CNGB3: variants seen among roughly 807,000 people sequenced by gnomAD.
The protein encoded by CNGB3 is cyclic nucleotide-gated channel beta-3.
CNGB3 carries 86 observed loss-of-function variants against 92.8 expected under a neutral mutation model. The observed-to-expected ratio is 0.93, with a 90% confidence interval of 0.78 to 1.11. The LOEUF (loss-of-function observed/expected upper bound fraction) is 1.11, where lower values mean the gene tolerates loss of function less well. CNGB3 is among the 50% of genes least tolerant of loss of function. CNGB3 has a pLI of 0.00. For missense variants in CNGB3, 1,026 were observed against 956.8 expected, an observed-to-expected ratio of 1.07 and a Z score of -0.95; for synonymous variants, 333 against 332.7, an observed-to-expected ratio of 1.00 and a Z score of -0.01.
intron 7 of CNGB3, among the ~76,000 whole-genome samples, chr8:86,651,546 C>T (rs1439974072): frequency 3.3e-5 from 5 of 151,808 alleles, no homozygotes; most frequent in African/African-American, 4.8e-5. Flanking sequence ...AAAGCAGATA[C>T]ACTGTTGACA....
At chr8:86,604,701 A>G (rs1281894102) in intron 14 of CNGB3, among the ~76,000 whole-genome samples, 3 of 152,204 alleles carry the variant, frequency 2.0e-5, no homozygotes, top group Non-Finnish European at 4.4e-5. Flanking sequence ...TTAGTATTCC[A>G]TACTGAGATA....
intron 2 of CNGB3, among the ~76,000 whole-genome samples, chr8:86,736,733 T>C (rs1333803105): frequency 6.6e-6 from 1 of 152,058 alleles, no homozygotes; most frequent in African/African-American, 2.4e-5. Context: ...GATGGAATAA[T>C]GGTCTTCAAT....
chr8:86,706,427 G>T (rs1054174797), intron 3 of CNGB3, among the ~76,000 whole-genome samples: 9 of 152,358 alleles, frequency 5.9e-5, no homozygotes, highest in Middle Eastern at 3.4e-3. Flanking sequence ...AAGCATGTGA[G>T]TAAATGCATC....
intron 15 of CNGB3, among the ~76,000 whole-genome samples, chr8:86,584,710 G>C (rs991543167): frequency 6.6e-6 from 1 of 152,080 alleles, no homozygotes; most frequent in Non-Finnish European, 1.5e-5. Flanking sequence ...AAAGAGTTGA[G>C]GTTGCTATTG....
intron 3 of CNGB3, among the ~76,000 whole-genome samples, chr8:86,681,169 G>A (rs1478138993): frequency 5.3e-5 from 8 of 152,052 alleles, no homozygotes; most frequent in Non-Finnish European, 1.2e-4. Flanking sequence ...CAAAGCTGAT[G>A]ATATTTTTAA....
chr8:86,737,195 G>A (rs990390070), intron 2 of CNGB3, among the ~76,000 whole-genome samples: 1 of 152,060 alleles, frequency 6.6e-6, no homozygotes, highest in Non-Finnish European at 1.5e-5. Context: ...TTCAAAATAA[G>A]TAAATAAAGT....
chr8:86,610,761 G>T (rs1240425746), intron 14 of CNGB3, among the ~76,000 whole-genome samples: 1 of 151,996 alleles, frequency 6.6e-6, no homozygotes, highest in African/African-American at 2.4e-5. Flanking sequence ...AAATCCCAGG[G>T]TCATCATTCC....
chr8:86,612,270 ACT>A (rs976833103), intron 13 of CNGB3, among the ~76,000 whole-genome samples: 4 of 152,176 alleles, frequency 2.6e-5, no homozygotes, highest in Admixed American at 6.5e-5. Flanking sequence ...TGTAAGAAAC[ACT>A]GTTTGGCTAT....
intron 3 of CNGB3, among the ~76,000 whole-genome samples, chr8:86,724,946 G>C (rs1222142766): frequency 1.3e-5 from 2 of 152,130 alleles, no homozygotes; most frequent in Non-Finnish European, 2.9e-5. Context: ...AGACAGACCA[G>C]GCAGGGCCTG....
At chr8:86,689,538 C>A (rs1163219554) in intron 3 of CNGB3, among the ~76,000 whole-genome samples, 1 of 149,666 alleles carries the variant, frequency 6.7e-6, no homozygotes, top group African/African-American at 2.4e-5. Context: ...TTTATTATTT[C>A]TTTATTTTTT....
At position 86,743,498 on chromosome 8, in the gene CNGB3, C is replaced by T. The variant is rs770096659; in HGVS notation, c.129+1G>A. 2 of 1,613,866 alleles carry T rather than the reference C, an allele frequency of 1.2e-6. No individual in the cohort carries two copies. The highest frequency in any genetic ancestry group is 4.5e-5 in the East Asian group (2 of 44,844). ...CTTGCATAGGAATGTAGAGGACATA[C>T]CTGTGCTGTGGTTTGCTGAGACTGA... is the stretch of plus-strand genomic sequence containing the variant. On this transcript the variant is annotated splice_donor_variant, in intron 1 of 17. Coordinates refer to ENST00000320005, the MANE Select transcript of CNGB3 (RefSeq NM_019098.5). LOFTEE classifies it high-confidence loss of function.
intron 15 of CNGB3, among the ~76,000 whole-genome samples, chr8:86,596,199 A>G (rs1240153411): frequency 6.6e-6 from 1 of 152,250 alleles, no homozygotes; most frequent in Non-Finnish European, 1.5e-5. Context: ...GCAAATTAAA[A>G]TAACCTATTA....
At chr8:86,612,226 T>C (rs1283675840) in intron 13 of CNGB3, among the ~76,000 whole-genome samples, 1 of 152,168 alleles carries the variant, frequency 6.6e-6, no homozygotes, top group Non-Finnish European at 1.5e-5. Context: ...GCAATATCTG[T>C]TGAGTGAATG....
chr8:86,678,292 G>A (rs1159678962), intron 3 of CNGB3, among the ~76,000 whole-genome samples: 1 of 152,154 alleles, frequency 6.6e-6, no homozygotes, highest in Non-Finnish European at 1.5e-5. Context: ...GCCAAAGTAT[G>A]TGGCAGTCTA....
chr8:86,635,863 T>TATATATATATAC (rs1563735421), intron 10 of CNGB3, among the ~76,000 whole-genome samples: 1 of 54,944 alleles, frequency 1.8e-5, no homozygotes, highest in Non-Finnish European at 3.3e-5. Flanking sequence ...TATATATATA[T>TATATATATATAC]ACACATACAC....
At chr8:86,722,510 T>C (rs988006940) in intron 3 of CNGB3, among the ~76,000 whole-genome samples, 3 of 152,198 alleles carry the variant, frequency 2.0e-5, no homozygotes, top group African/African-American at 7.2e-5. Context: ...TGATGATTAA[T>C]GTTATGTGTC....
Position 86,643,827 on chromosome 8 carries a change from C to CATTA in CNGB3, c.1098_1101dup (p.Ala368Ter), listed in dbSNP as rs1057518098. 6.2e-7 allele frequency: 1 copy of CATTA among 1,606,686 alleles called. No homozygotes were observed. Among genetic ancestry groups the CATTA allele is most frequent in the Non-Finnish European group, 8.5e-7 (1 of 1,175,414 alleles). On this transcript the variant is annotated stop_gained and frameshift_variant, in exon 10 of 18. Coordinates refer to ENST00000320005, the MANE Select transcript of CNGB3 (RefSeq NM_019098.5). LOFTEE classifies it high-confidence loss of function. Reference sequence around the variant, plus strand: ...TTTGAAGCCCAGTAATAAACACAGGCATTAATGTGCAGAATAAACAGCAAG... The same window carrying CATTA: ...TTTGAAGCCCAGTAATAAACACAGGCATTAATTAATGTGCAGAATAAACAGCAAG...
At chr8:86,660,730 A>C (rs919248213) in intron 6 of CNGB3, 5 of 528,338 alleles carry the variant, frequency 9.5e-6, no homozygotes, top group Non-Finnish European at 3.9e-6. Flanking sequence ...CATCCAATAC[A>C]TATCCTCCTG....
intron 15 of CNGB3, among the ~76,000 whole-genome samples, chr8:86,585,905 C>T (rs562109031): frequency 1.2e-4 from 18 of 152,290 alleles, no homozygotes; most frequent in Non-Finnish European, 2.4e-4. Context: ...CAATGCATTT[C>T]AGATACCCAG....
Sources: gnomAD v4.1 joint callset for allele counts (sites outside exome capture counted in the v4.1 genomes callset) on GRCh38, gnomAD v4.1.1 for gene constraint, MANE v1.5 for transcripts, NCBI Gene and HGNC (gene_info 2026-07-23, HGNC 2026-07-21) for gene names.